TMEM117: variants seen among roughly 807,000 people sequenced by gnomAD.
The protein encoded by TMEM117 is transmembrane protein 117.
Under a neutral mutation model 52.4 loss-of-function variants are expected in TMEM117, and 27 were observed. That is an observed-to-expected ratio of 0.51 (90% CI 0.38 to 0.71). The LOEUF is 0.71. Ranked by LOEUF, TMEM117 falls within the 30% of genes least tolerant of loss-of-function variation. TMEM117 has a pLI of 0.00. For missense variants in TMEM117, 556 were observed against 630.5 expected (o/e 0.88, Z 1.26); for synonymous variants, 215 against 206.3 (o/e 1.04, Z -0.36).
intron 3 of TMEM117, among the ~76,000 whole-genome samples, chr12:44,121,647 A>G (rs1245224414): frequency 1.3e-5 from 2 of 152,188 alleles, no homozygotes; most frequent in African/African-American, 4.8e-5. Context: ...AGGCAACAGT[A>G]GCCTATTAGT....
At chr12:44,210,336 A>C (rs527936838) in intron 4 of TMEM117, among the ~76,000 whole-genome samples, 128 of 152,182 alleles carry the variant, frequency 8.4e-4, no homozygotes, top group Non-Finnish European at 1.2e-3. Flanking sequence ...TGGATTTTTA[A>C]AATACCTTTC....
intron 4 of TMEM117, among the ~76,000 whole-genome samples, chr12:44,152,081 T>A (rs1168157859): frequency 8.6e-6 from 1 of 115,632 alleles, no homozygotes; most frequent in Non-Finnish European, 1.6e-5. Flanking sequence ...AATATATATT[T>A]ATATTATAAA....
intron 3 of TMEM117, among the ~76,000 whole-genome samples, chr12:43,963,955 A>G (rs1215689865): frequency 6.6e-6 from 1 of 152,190 alleles, no homozygotes; most frequent in African/African-American, 2.4e-5. Flanking sequence ...AGGAGACCTC[A>G]ATGATAAGCA....
At chr12:44,097,932 G>C (rs901691762) in intron 3 of TMEM117, among the ~76,000 whole-genome samples, 3 of 151,948 alleles carry the variant, frequency 2.0e-5, no homozygotes, top group African/African-American at 7.3e-5. Context: ...GGTGCTTGGA[G>C]ACAGTTCAGA....
At chr12:44,257,331 C>G (rs967270590) in intron 5 of TMEM117, among the ~76,000 whole-genome samples, 1 of 151,958 alleles carries the variant, frequency 6.6e-6, no homozygotes, top group Admixed American at 6.6e-5. Flanking sequence ...TTGACTCTCT[C>G]TCTATATATA....
At chr12:44,256,762 A>T (rs1003522760) in intron 5 of TMEM117, among the ~76,000 whole-genome samples, 1 of 151,970 alleles carries the variant, frequency 6.6e-6, no homozygotes, top group Non-Finnish European at 1.5e-5. Flanking sequence ...ATAATCAAAG[A>T]AACGTTTGTT....
intron 2 of TMEM117, among the ~76,000 whole-genome samples, chr12:43,861,837 G>C (rs1219944515): frequency 6.6e-6 from 1 of 152,152 alleles, no homozygotes; most frequent in African/African-American, 2.4e-5. Flanking sequence ...GTTCTTATAA[G>C]TTATGTATTC....
chr12:44,296,683 C>T (rs1950773452), intron 5 of TMEM117, among the ~76,000 whole-genome samples: 1 of 152,194 alleles, frequency 6.6e-6, no homozygotes, highest in Non-Finnish European at 1.5e-5. Flanking sequence ...GGCATATCTC[C>T]TGGCAGGTCC....
At chr12:43,912,940 T>C (rs950827605) in intron 2 of TMEM117, among the ~76,000 whole-genome samples, 2 of 152,180 alleles carry the variant, frequency 1.3e-5, no homozygotes, top group Non-Finnish European at 2.9e-5. Flanking sequence ...AGATTATTCA[T>C]AAAAGCTATC....
In TMEM117 at chr12:44,115,914, C is replaced by T. The variant is rs139046461; in HGVS notation, c.411-27611C>T. 2.6e-3 allele frequency among the ~76,000 whole-genome samples: 402 copies of T among 152,292 alleles called. 1 individual carries two copies. The highest frequency in any genetic ancestry group is 4.6e-3 in the South Asian group (22 of 4,826). On this transcript the variant is annotated intron_variant, in intron 3 of 7. Coordinates refer to ENST00000266534, the MANE Select transcript of TMEM117 (RefSeq NM_032256.3). ...ACTAGAAACACGATCGTGTCTTTCT[C>T]ATTGCTTAAGCCTATGTTGCCTAGT...
chr12:43,927,273 C>G (rs1944794463), intron 2 of TMEM117, among the ~76,000 whole-genome samples: 2 of 151,930 alleles, frequency 1.3e-5, no homozygotes. Context: ...TGTGTGATAT[C>G]TAATCTTTGA....
At position 44,207,439 on chromosome 12, in the gene TMEM117, C is replaced by T. The variant is rs1949584085; in HGVS notation, c.511-3851C>T. ...AATGTCAATTAATACTCAGTTTTGTCACACAAATATTTTATGAAGCCCTCT... is the reference window on the plus strand; with the variant it reads ...AATGTCAATTAATACTCAGTTTTGTTACACAAATATTTTATGAAGCCCTCT... On this transcript the variant is annotated intron_variant, in intron 4 of 7. Transcript: ENST00000266534. 3.9e-5 allele frequency among the ~76,000 whole-genome samples: 6 copies of T among 152,132 alleles called. No homozygotes were observed. In the South Asian group the frequency reaches 1.2e-3, roughly 32 times the overall value.
At chr12:44,147,138 G>A (rs1948654257) in intron 4 of TMEM117, among the ~76,000 whole-genome samples, 1 of 152,168 alleles carries the variant, frequency 6.6e-6, no homozygotes, top group African/African-American at 2.4e-5. Context: ...AGGTTAATAT[G>A]TAAGAAATAC....
chr12:43,797,821 C>T, the TMEM117 span: 24 of 1,612,886 alleles, frequency 1.5e-5, no homozygotes, highest in Non-Finnish European at 1.7e-5. Flanking sequence ...TCCACACCCA[C>T]GTCAGTCTGT....
In TMEM117 at chr12:44,153,862, ATTG is replaced by A. The variant is rs1198313314; in HGVS notation, c.510+10245_510+10247del. On this transcript the variant is annotated intron_variant, in intron 4 of 7. Coordinates refer to ENST00000266534, the MANE Select transcript of TMEM117 (RefSeq NM_032256.3). ...ATGAAGTATCTTGTATTTATGCTTTATTGTTGTTGCTTCATAAAAGCTTCATTA... is the reference window on the plus strand; with the variant it reads ...ATGAAGTATCTTGTATTTATGCTTTATTGTTGCTTCATAAAAGCTTCATTA... Among the ~76,000 whole-genome samples the A allele has an allele frequency of 5.3e-5, 8 of 151,998 alleles. No homozygotes were observed. The East Asian group carries it at 1.2e-3, about 22-fold the overall frequency.
At chr12:44,098,675 A>G (rs1947814042) in intron 3 of TMEM117, among the ~76,000 whole-genome samples, 1 of 152,048 alleles carries the variant, frequency 6.6e-6, no homozygotes, top group African/African-American at 2.4e-5. Flanking sequence ...GAAGGCTGGG[A>G]GCCAGATCCT....
chr12:44,021,325 C>A (rs1247290635), intron 3 of TMEM117, among the ~76,000 whole-genome samples: 2 of 152,062 alleles, frequency 1.3e-5, no homozygotes, highest in Non-Finnish European at 2.9e-5. Flanking sequence ...TTCATAAGTT[C>A]TTATTATTTA....
intron 3 of TMEM117, among the ~76,000 whole-genome samples, chr12:44,046,732 G>A (rs184051341): frequency 3.3e-4 from 51 of 152,278 alleles, no homozygotes; most frequent in Admixed American, 2.0e-3. Context: ...TGTTAAAAAC[G>A]TGTTTGTGCA....
At chr12:44,136,851 A>G (rs1288627255) in intron 3 of TMEM117, among the ~76,000 whole-genome samples, 5 of 152,268 alleles carry the variant, frequency 3.3e-5, no homozygotes, top group South Asian at 4.1e-4. Context: ...GGTAATAAAA[A>G]TGATACAATA....
Sources: allele counts gnomAD v4.1 joint callset (sites outside exome capture counted in the v4.1 genomes callset), GRCh38; gene constraint gnomAD v4.1.1; transcripts MANE v1.5; gene names NCBI Gene and HGNC (gene_info 2026-07-23, HGNC 2026-07-21).